Variants in GNAZ observed in about 807,000 individuals in gnomAD.
GNAZ encodes the protein guanine nucleotide-binding protein G(z) subunit alpha.
In GNAZ, 3 loss-of-function variants were observed where a neutral mutation model predicts 25.4. The ratio of observed to expected loss-of-function variants is 0.12; its 90% CI spans 0.05 to 0.30. The LOEUF is 0.30. Among genes scored for constraint, GNAZ ranks in the 10% least tolerant of loss-of-function variants. The pLI, the probability that GNAZ is intolerant of heterozygous loss-of-function variation, is 1.00. For synonymous variants in GNAZ, 211 were observed against 205.7 expected (o/e 1.03, Z -0.22); for missense variants, 241 against 501.8 (o/e 0.48, Z 4.97).
At chr22:23,112,059 G>A (rs551905200) in intron 2 of GNAZ, among the ~76,000 whole-genome samples, 141 of 152,302 alleles carry the variant, frequency 9.3e-4, no homozygotes, top group African/African-American at 3.3e-3. Flanking sequence ...GGAAAGGACA[G>A]GCACTGCCCC....
chr22:23,074,588 C>G (rs1001663852), intron 1 of GNAZ, among the ~76,000 whole-genome samples: 1 of 152,054 alleles, frequency 6.6e-6, no homozygotes, highest in African/African-American at 2.4e-5. Context: ...TGTGGCAGGC[C>G]GGGGACCACG....
chr22:23,076,229 G>A (rs1263406268), intron 1 of GNAZ, among the ~76,000 whole-genome samples: 4 of 152,126 alleles, frequency 2.6e-5, no homozygotes, highest in Non-Finnish European at 5.9e-5. Context: ...CTTAGCACTC[G>A]CCACAGCGTG....
Position 23,123,154 on chromosome 22 carries a change from C to T in GNAZ, c.791C>T (p.Ser264Leu). The T allele has an allele frequency of 6.2e-7, 1 of 1,613,842 alleles. No individual in the cohort carries two copies. The highest frequency in any genetic ancestry group is 8.5e-7 in the Non-Finnish European group (1 of 1,179,702). ...ICNNNWFINTSLILFLNKKDL... is the reference protein window; with the variant it reads ...ICNNNWFINTLLILFLNKKDL... ...AACAACAACTGGTTCATCAACACCTCACTCATCCTCTTCCTGAACAAGAAG... is the reference window on the plus strand; with the variant it reads ...AACAACAACTGGTTCATCAACACCTTACTCATCCTCTTCCTGAACAAGAAG... Residue 264 changes from serine (S) to leucine (L), a missense_variant, in exon 3 of 3, where the codon TCA (serine) becomes TTA (leucine). Ser to Leu is a moderately radical substitution (Grantham distance 145). Coordinates refer to ENST00000615612, the MANE Select transcript of GNAZ (RefSeq NM_002073.4).
In GNAZ at chr22:23,071,752, G is replaced by T. The variant is rs1023987639; in HGVS notation, c.-450+1182G>T. Among the ~76,000 whole-genome samples, 1 of 152,208 alleles carries T rather than the reference G, an allele frequency of 6.6e-6. No homozygotes were observed. The highest frequency in any genetic ancestry group is 1.5e-5 in the Non-Finnish European group (1 of 68,040). ...TCAGAGTGGTGTCCTGGGCTGGGGGGTCAGGTGAGCTCGTGGGCAACATGA... is the reference window on the plus strand; with the variant it reads ...TCAGAGTGGTGTCCTGGGCTGGGGGTTCAGGTGAGCTCGTGGGCAACATGA... On this transcript the variant is annotated intron_variant, in intron 1 of 2. Transcript: ENST00000615612. This position sits in a 1 kb window ranked among gnomAD's most constrained non-coding sequence, Gnocchi z 4.1.
intron 1 of GNAZ, among the ~76,000 whole-genome samples, chr22:23,081,048 A>G (rs923324679): frequency 3.9e-5 from 6 of 152,198 alleles, no homozygotes; most frequent in Admixed American, 1.3e-4. Context: ...AGCCTGGAAT[A>G]CTGTGTAAAC....
chr22:23,103,544 G>A (rs1699440077), intron 2 of GNAZ, among the ~76,000 whole-genome samples: 1 of 152,152 alleles, frequency 6.6e-6, no homozygotes, highest in Non-Finnish European at 1.5e-5. Context: ...GCTGGAGAAA[G>A]GGAATTTGCC....
Position 23,100,265 on chromosome 22 carries a change from C to T in GNAZ, c.723+3847C>T, listed in dbSNP as rs146923678. ...GCCTCTGCTACCAGGGATACCTGCC[C>T]TGTCTTTCTAGAGCTGGCAGGCAGC... On this transcript the variant is annotated intron_variant, in intron 2 of 2. Coordinates refer to ENST00000615612, the MANE Select transcript of GNAZ (RefSeq NM_002073.4). 8.5e-5 allele frequency among the ~76,000 whole-genome samples: 13 copies of T among 152,374 alleles called. No individual in the cohort carries two copies. In the East Asian group the frequency reaches 2.1e-3, roughly 25 times the overall value.
chr22:23,119,393 T>A (rs1229392486), intron 2 of GNAZ, among the ~76,000 whole-genome samples: 1 of 152,190 alleles, frequency 6.6e-6, no homozygotes, highest in Non-Finnish European at 1.5e-5. Context: ...CTGGTCAGGG[T>A]CCTGACTTTG....
chr22:23,091,314 G>T (rs564223654), intron 1 of GNAZ, among the ~76,000 whole-genome samples: 1 of 152,072 alleles, frequency 6.6e-6, no homozygotes, highest in South Asian at 2.1e-4. Flanking sequence ...ATGCATACAC[G>T]CACACATACC....
At position 23,082,530 on chromosome 22, in the gene GNAZ, T is replaced by C. The variant is rs560438529; in HGVS notation, c.-450+11960T>C. Among the ~76,000 whole-genome samples, 7 of 152,178 alleles carry C rather than the reference T, an allele frequency of 4.6e-5. No individual in the cohort carries two copies. In the East Asian group the frequency reaches 1.4e-3, roughly 29 times the overall value. On this transcript the variant is annotated intron_variant, in intron 1 of 2. Transcript: ENST00000615612. ...CACCGCGCCCGGCCTCGTTGTGTTT[T>C]TTTGTTTATTTTTGTTTTGCATGTG... is the stretch of plus-strand genomic sequence containing the variant.
chr22:23,103,900 C>T (rs1026071260), intron 2 of GNAZ, among the ~76,000 whole-genome samples: 1 of 152,194 alleles, frequency 6.6e-6, no homozygotes, highest in Non-Finnish European at 1.5e-5. Context: ...AAATGCTGGC[C>T]GCATGCTCTC....
intron 1 of GNAZ, among the ~76,000 whole-genome samples, chr22:23,088,104 A>G (rs1055559339): frequency 1.3e-5 from 2 of 152,248 alleles, no homozygotes; most frequent in Non-Finnish European, 2.9e-5. Context: ...TAGAAGCAAG[A>G]TGGAGTCAGT....
At chr22:23,113,720 C>T (rs1231326769) in intron 2 of GNAZ, among the ~76,000 whole-genome samples, 1 of 152,240 alleles carries the variant, frequency 6.6e-6, no homozygotes, top group Non-Finnish European at 1.5e-5. Flanking sequence ...GTGGGGCCCA[C>T]TCGCCCTCTC....
At chr22:23,106,116 C>T (rs1348986204) in intron 2 of GNAZ, among the ~76,000 whole-genome samples, 4 of 152,240 alleles carry the variant, frequency 2.6e-5, no homozygotes, top group Admixed American at 2.6e-4. Context: ...ACTCCCGCCA[C>T]ATATCACACT....
chr22:23,107,878 C>T (rs766833236), intron 2 of GNAZ, among the ~76,000 whole-genome samples: 3 of 152,222 alleles, frequency 2.0e-5, no homozygotes, highest in Non-Finnish European at 2.9e-5. Context: ...ACCGACGAAG[C>T]CACAGTGAGG....
intron 2 of GNAZ, among the ~76,000 whole-genome samples, chr22:23,118,918 G>A (rs2069929647): frequency 6.6e-6 from 1 of 152,228 alleles, no homozygotes; most frequent in African/African-American, 2.4e-5. Context: ...AGGGCAGGAG[G>A]ACCCAGGGGA....
chr22:23,095,600 G>T lies in GNAZ; in HGVS notation c.-96G>T. On this transcript the variant is annotated 5_prime_UTR_variant, in exon 2 of 3. Coordinates refer to ENST00000615612, the MANE Select transcript of GNAZ (RefSeq NM_002073.4). ...GCTGGCACTGAGTGCCTCCAGGGCA[G>T]CTGGGCTCTTGTCTGCCTGGTCTCA... is the stretch of plus-strand genomic sequence containing the variant. The T allele has an allele frequency of 7.2e-7, 1 of 1,395,822 alleles. No individual in the cohort carries two copies. Among genetic ancestry groups the T allele is most frequent in the Non-Finnish European group, 9.6e-7 (1 of 1,037,294 alleles). 86.5% of individuals were successfully genotyped at this position (1,395,822 alleles called of 1,614,324 possible).
intron 2 of GNAZ, among the ~76,000 whole-genome samples, chr22:23,106,855 G>A (rs2069496455): frequency 6.6e-6 from 1 of 152,164 alleles, no homozygotes; most frequent in Admixed American, 6.5e-5. Context: ...TGGACATCCC[G>A]CTGCTGCCCA....
intron 2 of GNAZ, among the ~76,000 whole-genome samples, chr22:23,117,989 TG>T (rs2069900384): frequency 6.6e-6 from 1 of 152,200 alleles, no homozygotes; most frequent in Admixed American, 6.5e-5. Context: ...GCCAGCAGTC[TG>T]GCAGCCACGT....
Sources: gnomAD v4.1 joint callset for allele counts (sites outside exome capture counted in the v4.1 genomes callset) on GRCh38, gnomAD v4.1.1 for gene constraint, Gnocchi (gnomAD v3.1) non-coding constraint, MANE v1.5 for transcripts, NCBI Gene and HGNC (gene_info 2026-07-23, HGNC 2026-07-21) for gene names.